The following DDX10 variants were observed in gnomAD, a reference collection of about 807,000 sequenced individuals.
DDX10 encodes the protein probable ATP-dependent RNA helicase DDX10.
DDX10 carries 74 observed loss-of-function variants against 104.3 expected under a neutral mutation model. The ratio of observed to expected loss-of-function variants is 0.71; its 90% CI spans 0.59 to 0.86. The LOEUF is 0.86. DDX10 is among the 40% of genes least tolerant of loss of function. The pLI is 0.00. For missense variants in DDX10, 952 were observed against 1,040.0 expected (o/e 0.92, Z 1.16); for synonymous variants, 351 against 353.4 (o/e 0.99, Z 0.08).
chr11:108,875,002 GT>G (rs1225117717), intron 16 of DDX10, among the ~76,000 whole-genome samples: 1 of 152,152 alleles, frequency 6.6e-6, no homozygotes, highest in Admixed American at 6.5e-5. Flanking sequence ...TCATAGCACT[GT>G]TTGGGGGATT....
intron 13 of DDX10, among the ~76,000 whole-genome samples, chr11:108,733,088 G>A (rs938846480): frequency 1.4e-5 from 2 of 147,294 alleles, no homozygotes; most frequent in African/African-American, 2.5e-5. Context: ...TCCAGATCCT[G>A]TTTACATTGA....
intron 16 of DDX10, among the ~76,000 whole-genome samples, chr11:108,860,222 A>T (rs1306803713): frequency 6.6e-6 from 1 of 152,216 alleles, no homozygotes; most frequent in Non-Finnish European, 1.5e-5. Context: ...AGTTATCTAT[A>T]CCATACATAT....
intron 1 of DDX10, among the ~76,000 whole-genome samples, chr11:108,668,593 A>G (rs1471155942): frequency 2.6e-5 from 4 of 152,140 alleles, no homozygotes; most frequent in Non-Finnish European, 5.9e-5. Flanking sequence ...TGTACATAAA[A>G]CTTACTACAT....
chr11:108,690,713 GC>G, intron 7 of DDX10: 1 of 189,102 alleles, frequency 5.3e-6, no homozygotes, highest in Non-Finnish European at 1.1e-5. Flanking sequence ...CTTGAGAGAT[GC>G]CCCCAGGAAA....
chr11:108,869,607 C>G (rs1591103409), intron 16 of DDX10, among the ~76,000 whole-genome samples: 1 of 152,148 alleles, frequency 6.6e-6, no homozygotes, highest in Non-Finnish European at 1.5e-5. Context: ...TCAGTCTGAG[C>G]AGACTGTGGA....
At chr11:108,928,149 G>GC (rs1444397597) in intron 17 of DDX10, among the ~76,000 whole-genome samples, 1 of 151,510 alleles carries the variant, frequency 6.6e-6, no homozygotes, top group Non-Finnish European at 1.5e-5. Context: ...TATGTTATTT[G>GC]CCCCACTCTT....
At chr11:108,890,333 TGAGA>T (rs542299719) in intron 16 of DDX10, among the ~76,000 whole-genome samples, 1 of 152,194 alleles carries the variant, frequency 6.6e-6, no homozygotes, top group East Asian at 1.9e-4. Context: ...CAACCGTAGC[TGAGA>T]GAGAGACTTC....
chr11:108,939,327 T>G (rs1864076075), intron 17 of DDX10, among the ~76,000 whole-genome samples: 2 of 152,194 alleles, frequency 1.3e-5, no homozygotes, highest in South Asian at 4.1e-4. Flanking sequence ...GGGTGTAATC[T>G]TGGTCCAGGC....
chr11:108,879,531 C>A (rs1296901128), intron 16 of DDX10, among the ~76,000 whole-genome samples: 4 of 152,126 alleles, frequency 2.6e-5, no homozygotes, highest in African/African-American at 9.7e-5. Flanking sequence ...ATAAGATTTG[C>A]AGCAGATTTG....
intron 6 of DDX10, among the ~76,000 whole-genome samples, chr11:108,686,998 G>T (rs1385711358): frequency 6.6e-6 from 1 of 152,034 alleles, no homozygotes; most frequent in Non-Finnish European, 1.5e-5. Context: ...TGTTTGCCAG[G>T]ATGGTCTCGA....
intron 13 of DDX10, among the ~76,000 whole-genome samples, chr11:108,819,667 CA>C (rs1862299877): frequency 6.6e-6 from 1 of 151,994 alleles, no homozygotes; most frequent in African/African-American, 2.4e-5. Context: ...GGTGCAATCT[CA>C]GCTCACTATA....
At chr11:108,900,293 C>G (rs1863499806) in intron 16 of DDX10, among the ~76,000 whole-genome samples, 1 of 152,098 alleles carries the variant, frequency 6.6e-6, no homozygotes, top group Non-Finnish European at 1.5e-5. Flanking sequence ...TATAAATTAC[C>G]TGGTCTCAGG....
At chr11:108,779,801 A>C (rs1270514682) in intron 13 of DDX10, among the ~76,000 whole-genome samples, 1 of 152,154 alleles carries the variant, frequency 6.6e-6, no homozygotes, top group Non-Finnish European at 1.5e-5. Flanking sequence ...TTCGCTGCAA[A>C]AAAGTTGCAG....
At chr11:108,807,388 T>C (rs765906571) in intron 13 of DDX10, among the ~76,000 whole-genome samples, 1 of 152,150 alleles carries the variant, frequency 6.6e-6, no homozygotes, top group Non-Finnish European at 1.5e-5. Context: ...TCAAGCCAGG[T>C]GAGAGAGACT....
rs763803588 is a variant in DDX10 at position 108,940,408 on chromosome 11, A to T, written c.2613A>T (p.Leu871=). The T allele has an allele frequency of 3.1e-6, 5 of 1,613,502 alleles. No individual in the cohort carries two copies. In the African/African-American group the frequency reaches 5.3e-5, roughly 17 times the overall value. The part of the protein sequence containing the change: ...AEDEELVLHL[L]RSQS ...ATGAAGAGCTGGTGTTACATCTGCT[A>T]AGAAGTCAAAGCTAAATACTTCCTG... Residue 871 remains leucine, a synonymous_variant, in exon 18 of 18, where the codon CTA becomes CTT. Transcript: ENST00000322536.
intron 15 of DDX10, among the ~76,000 whole-genome samples, chr11:108,851,698 T>C (rs1256288485): frequency 6.6e-6 from 1 of 152,184 alleles, no homozygotes; most frequent in Non-Finnish European, 1.5e-5. Context: ...ATTTGGCACA[T>C]GAAGACCCGG....
chr11:108,737,251 A>G (rs901234492), intron 13 of DDX10, among the ~76,000 whole-genome samples: 4 of 152,206 alleles, frequency 2.6e-5, no homozygotes, highest in Non-Finnish European at 5.9e-5. Context: ...TTTTCAAGCC[A>G]GGAGTGTTTT....
intron 6 of DDX10, among the ~76,000 whole-genome samples, chr11:108,687,134 A>G (rs1328519019): frequency 6.6e-6 from 1 of 152,160 alleles, no homozygotes; most frequent in Non-Finnish European, 1.5e-5. Flanking sequence ...CCAAAATGGC[A>G]GTATCATTTT....
chr11:108,830,631 C>A lies in DDX10; in HGVS notation c.1966-7815C>A, dbSNP rs185605982. On this transcript the variant is annotated intron_variant, in intron 13 of 17. Transcript: ENST00000322536. ...GGCATCCTTGTCTTGTTCCAGTTCT[C>A]AGGGGGGGAATGCTTTCAACTTTCT... Among the ~76,000 whole-genome samples, 640 of 152,166 alleles carry A rather than the reference C, an allele frequency of 4.2e-3. 17 individuals are homozygous for A. Among genetic ancestry groups the A allele is most frequent in the Admixed American group, 0.039 (593 of 15,288 alleles).
Sources: allele counts gnomAD v4.1 joint callset (sites outside exome capture counted in the v4.1 genomes callset), GRCh38; gene constraint gnomAD v4.1.1; transcripts MANE v1.5; gene names NCBI Gene and HGNC (gene_info 2026-07-23, HGNC 2026-07-21).